PCGF5: variants seen among roughly 807,000 people sequenced by gnomAD.
The protein encoded by PCGF5 is polycomb group ring finger 5.
PCGF5 carries 9 observed loss-of-function variants against 44.3 expected under a neutral mutation model. The ratio of observed to expected loss-of-function variants is 0.20; its 90% CI spans 0.12 to 0.35. The LOEUF is 0.35. Among genes scored for constraint, PCGF5 ranks in the 10% least tolerant of loss-of-function variants. The pLI is 1.00. For missense variants in PCGF5, 146 were observed against 305.3 expected (o/e 0.48, Z 3.89); for synonymous variants, 95 against 102.5 (o/e 0.93, Z 0.44).
intron 1 of PCGF5, among the ~76,000 whole-genome samples, chr10:91,191,136 T>A (rs1844025292): frequency 6.6e-6 from 1 of 152,214 alleles, no homozygotes; most frequent in Non-Finnish European, 1.5e-5. Flanking sequence ...TATACATACA[T>A]ATGATAAAGT....
chr10:91,230,818 TGG>T (rs1185692456), intron 2 of PCGF5, among the ~76,000 whole-genome samples: 1 of 152,172 alleles, frequency 6.6e-6, no homozygotes, highest in East Asian at 1.9e-4. Flanking sequence ...AGACGGGGTT[TGG>T]CCATGTTGCC....
intron 8 of PCGF5, among the ~76,000 whole-genome samples, chr10:91,268,308 C>A (rs1300011414): frequency 6.6e-6 from 1 of 152,130 alleles, no homozygotes; most frequent in African/African-American, 2.4e-5. Context: ...AATAGTTGGG[C>A]CTTCTAGGTT....
chr10:91,192,835 T>A (rs1844057553), intron 1 of PCGF5, among the ~76,000 whole-genome samples: 1 of 151,916 alleles, frequency 6.6e-6, no homozygotes, highest in Non-Finnish European at 1.5e-5. Flanking sequence ...GGAAAGGAGA[T>A]GTGGCAGGCA....
chr10:91,223,014 C>G (rs1404998254), intron 2 of PCGF5, 31 bp downstream of exon 2: 1 of 1,369,550 alleles, frequency 7.3e-7, no homozygotes, highest in Admixed American at 1.7e-5. Flanking sequence ...TTATACCTAT[C>G]AAAGTTTATA....
chr10:91,247,201 G>A (rs1309511138), intron 3 of PCGF5, among the ~76,000 whole-genome samples: 1 of 151,588 alleles, frequency 6.6e-6, no homozygotes, highest in South Asian at 2.1e-4. Context: ...AAAAACAAAG[G>A]AAATTTTCAG....
intron 5 of PCGF5, among the ~76,000 whole-genome samples, chr10:91,249,668 G>C (rs1266947510): frequency 6.6e-6 from 1 of 151,710 alleles, no homozygotes; most frequent in African/African-American, 2.4e-5. Flanking sequence ...GTAAAATGGA[G>C]ATTATCATTT....
chr10:91,172,236 C>T (rs918331413), intron 1 of PCGF5, among the ~76,000 whole-genome samples: 1 of 151,978 alleles, frequency 6.6e-6, no homozygotes, highest in Non-Finnish European at 1.5e-5. Context: ...ACCAGCCTGG[C>T]CAACGTGATG....
At chr10:91,219,944 G>A (rs1844623095), upstream of PCGF5, among the ~76,000 whole-genome samples, 1 of 152,102 alleles carries the variant, frequency 6.6e-6, no homozygotes, top group African/African-American at 2.4e-5. Context: ...TGCATTGACA[G>A]TCTCCCCTAC....
intron 1 of PCGF5, among the ~76,000 whole-genome samples, chr10:91,202,770 G>A (rs142527674): frequency 1.9e-4 from 29 of 152,242 alleles, no homozygotes; most frequent in African/African-American, 6.0e-4. Flanking sequence ...GTAGTTAGGC[G>A]AAAAGATTGG....
rs1421645633 is a variant in PCGF5 at position 91,280,366 on chromosome 10, A to G, written c.*2050A>G. ...GCCCCCCAGCCAAAACTTAATGGTC[A>G]TAAATGAATTTTATCTACAAAATCT... On this transcript the variant is annotated 3_prime_UTR_variant, in exon 10 of 10. Coordinates refer to ENST00000336126, the MANE Select transcript of PCGF5 (RefSeq NM_032373.5). The G allele has an allele frequency of 6.6e-6, 1 of 152,240 alleles. No homozygotes were observed. Among genetic ancestry groups the G allele is most frequent in the Non-Finnish European group, 1.5e-5 (1 of 67,904 alleles). The allele number at this position is 152,240 out of a possible 1,614,324, so 9.4% of individuals were successfully genotyped here.
Position 91,251,916 on chromosome 10 carries a change from T to C in PCGF5, c.474+476T>C, listed in dbSNP as rs188011221. On this transcript the variant is annotated intron_variant, in intron 6 of 9. Transcript: ENST00000336126. ...AGTTTTGAAGTAAAATTAGATGTTGTAAAATGCCTCTGAACTTTTAAACTC... is the reference window on the plus strand; with the variant it reads ...AGTTTTGAAGTAAAATTAGATGTTGCAAAATGCCTCTGAACTTTTAAACTC... 1.0e-3 allele frequency among the ~76,000 whole-genome samples: 154 copies of C among 152,116 alleles called. No individual in the cohort carries two copies. In the Middle Eastern group the frequency reaches 0.048, roughly 47 times the overall value.
chr10:91,213,676 G>A (rs1316446937), intron 1 of PCGF5, among the ~76,000 whole-genome samples: 2 of 151,070 alleles, frequency 1.3e-5, no homozygotes, highest in African/African-American at 4.9e-5. Context: ...AGTAGAGATG[G>A]GGTTTCTCCA....
At chr10:91,256,225 A>G (rs1845750183) in intron 6 of PCGF5, among the ~76,000 whole-genome samples, 1 of 152,138 alleles carries the variant, frequency 6.6e-6, no homozygotes, top group African/African-American at 2.4e-5. Context: ...ATATGAAAAT[A>G]CAAGAATGAT....
chr10:91,278,340 A>T lies in PCGF5; in HGVS notation c.*24A>T. On this transcript the variant is annotated 3_prime_UTR_variant, in exon 10 of 10. Transcript: ENST00000336126. The stretch of plus-strand genomic sequence containing the variant: ...AGACCAAGGGGCCCAGACCTCACTG[A>T]GATGAATCCTGCACTATTTGTTTAC... 1 of 1,596,162 alleles carries T rather than the reference A, an allele frequency of 6.3e-7. No homozygotes were observed.
intron 1 of PCGF5, among the ~76,000 whole-genome samples, chr10:91,201,338 C>A (rs1844248520): frequency 6.6e-6 from 1 of 152,116 alleles, no homozygotes; most frequent in Admixed American, 6.5e-5. Flanking sequence ...GCCACTAGTC[C>A]TATCATGGTC....
chr10:91,158,590 G>C (rs755548232), upstream of PCGF5, among the ~76,000 whole-genome samples: 9 of 152,224 alleles, frequency 5.9e-5, no homozygotes, highest in Non-Finnish European at 1.2e-4. Flanking sequence ...TTATGGTCAA[G>C]AGAGAGTGGA....
At chr10:91,239,398 G>A (rs1160520373) in intron 2 of PCGF5, among the ~76,000 whole-genome samples, 1 of 152,102 alleles carries the variant, frequency 6.6e-6, no homozygotes, top group African/African-American at 2.4e-5. Context: ...TGTTGCTTTG[G>A]TCAGTATATG....
intron 2 of PCGF5, among the ~76,000 whole-genome samples, chr10:91,224,450 TAAAG>T (rs1195146892): frequency 1.3e-5 from 2 of 152,258 alleles, no homozygotes; most frequent in Non-Finnish European, 1.5e-5. Flanking sequence ...CACAAGATAA[TAAAG>T]AAGTCTCTGC....
chr10:91,260,724 A>G (rs1160601304), intron 6 of PCGF5, among the ~76,000 whole-genome samples: 4 of 149,482 alleles, frequency 2.7e-5, no homozygotes, highest in Non-Finnish European at 4.4e-5. Context: ...AAAACCAAAC[A>G]CCGCATGTTC....
Sources: gnomAD v4.1 joint callset for allele counts (sites outside exome capture counted in the v4.1 genomes callset) on GRCh38, gnomAD v4.1.1 for gene constraint, MANE v1.5 for transcripts, NCBI Gene and HGNC (gene_info 2026-07-23, HGNC 2026-07-21) for gene names.